COL28A1: variants seen among roughly 807,000 people sequenced by gnomAD.
The protein encoded by COL28A1 is collagen alpha-1(XXVIII) chain.
Under a neutral mutation model 150.2 loss-of-function variants are expected in COL28A1, and 161 were observed. The observed-to-expected ratio is 1.07, with a 90% confidence interval of 0.94 to 1.22. COL28A1 has a LOEUF of 1.22. Ranked by LOEUF, COL28A1 falls within the 50% of genes most tolerant of loss-of-function variation. The pLI is 0.00. For synonymous variants in COL28A1, 552 were observed against 469.7 expected (o/e 1.18, Z -2.26); for missense variants, 1,617 against 1,388.3 (o/e 1.16, Z -2.62).
At chr7:7,466,330 T>C (rs1306285786) in intron 15 of COL28A1, among the ~76,000 whole-genome samples, 5 of 146,056 alleles carry the variant, frequency 3.4e-5, no homozygotes, top group East Asian at 2.0e-4. Context: ...GGAGCCGATG[T>C]GATCAACTGG....
Position 7,531,688 on chromosome 7 carries a change from A to C in COL28A1, c.341T>G (p.Leu114Arg). The change falls in exon 3 of 35, where the codon CTG (leucine) becomes CGG (arginine). Residue 114 changes from leucine to arginine, a missense_variant. Leu to Arg is a moderately radical substitution (Grantham distance 102). Coordinates refer to ENST00000399429, the MANE Select transcript of COL28A1 (RefSeq NM_001037763.3). ...IDPPFSSWKDLQTFKQKVKSM... is the reference protein window; with the variant it reads ...IDPPFSSWKDRQTFKQKVKSM... ...CTTGACCTTCTGCTTAAATGTCTGC[A>C]GGTCCTTCCAGGAAGAAAAAGGTGG... 1.3e-6 allele frequency: 2 copies of C among 1,588,938 alleles called. No homozygotes were observed. Among genetic ancestry groups the C allele is most frequent in the Admixed American group, 1.7e-5 (1 of 59,982 alleles).
intron 21 of COL28A1, among the ~76,000 whole-genome samples, chr7:7,438,781 G>A (rs907664941): frequency 1.3e-5 from 2 of 152,194 alleles, no homozygotes; most frequent in African/African-American, 4.8e-5. Context: ...AATCAAAACA[G>A]TTTGGAAACT....
At chr7:7,506,145 G>A in intron 10 of COL28A1, 78 bp from the exon 11 acceptor site, 1 of 834,454 alleles carries the variant, frequency 1.2e-6, no homozygotes, top group Non-Finnish European at 2.1e-6. Flanking sequence ...AGGGTCCCTA[G>A]AGATCCTGGC....
At chr7:7,525,455 T>C (rs986130852) in intron 3 of COL28A1, among the ~76,000 whole-genome samples, 19 of 152,244 alleles carry the variant, frequency 1.2e-4, no homozygotes, top group African/African-American at 4.1e-4. Flanking sequence ...TATGTTTATA[T>C]ATAGAATTAG....
downstream of COL28A1, chr7:7,356,878 T>C (rs1780375844): frequency 6.6e-6 from 1 of 152,150 alleles, no homozygotes; most frequent in South Asian, 2.1e-4. Flanking sequence ...GCATTATCTT[T>C]TGTAGTATCA....
At chr7:7,494,829 C>T (rs534056229) in intron 11 of COL28A1, among the ~76,000 whole-genome samples, 1 of 152,036 alleles carries the variant, frequency 6.6e-6, no homozygotes, top group African/African-American at 2.4e-5. Flanking sequence ...TTTAATTCTA[C>T]CTTAAGGAAT....
chr7:7,490,389 C>G (rs1267551381), intron 12 of COL28A1, among the ~76,000 whole-genome samples, 189 bp downstream of exon 12: 1 of 152,112 alleles, frequency 6.6e-6, no homozygotes, highest in Non-Finnish European at 1.5e-5. Context: ...TTAAAAAATA[C>G]GTTAATTATT....
intron 31 of COL28A1, among the ~76,000 whole-genome samples, chr7:7,374,038 AATAT>A (rs60964603): frequency 5.3e-5 from 6 of 113,628 alleles, no homozygotes; most frequent in African/African-American, 1.5e-4. Flanking sequence ...AAAAAAAAAA[AATAT>A]ATATATATAT....
chr7:7,425,892 G>T (rs1409295519), intron 25 of COL28A1, among the ~76,000 whole-genome samples: 1 of 152,104 alleles, frequency 6.6e-6, no homozygotes, highest in African/African-American at 2.4e-5. Flanking sequence ...TATACCTTAT[G>T]AGTTTTCTAA....
intron 11 of COL28A1, among the ~76,000 whole-genome samples, chr7:7,497,137 G>GGAAAGAA: frequency 6.8e-6 from 1 of 146,706 alleles, no homozygotes; most frequent in Non-Finnish European, 1.5e-5. Flanking sequence ...AAGGAAAGAA[G>GGAAAGAA]GATCAATATT....
intron 18 of COL28A1, among the ~76,000 whole-genome samples, chr7:7,445,924 T>A (rs1359922256): frequency 6.6e-6 from 1 of 151,794 alleles, no homozygotes; most frequent in Admixed American, 6.6e-5. Context: ...AGTGGTATGA[T>A]CTCAGCTCAC....
chr7:7,471,606 T>C (rs961755097), intron 15 of COL28A1, among the ~76,000 whole-genome samples: 5 of 152,012 alleles, frequency 3.3e-5, no homozygotes, highest in African/African-American at 9.7e-5. Flanking sequence ...ATGAACAGAA[T>C]AAAACAGGCT....
intron 11 of COL28A1, among the ~76,000 whole-genome samples, chr7:7,498,062 A>G (rs1583508448): frequency 6.6e-6 from 1 of 152,230 alleles, no homozygotes; most frequent in African/African-American, 2.4e-5. Context: ...AATTATATTG[A>G]ACCACATTTT....
In COL28A1 at chr7:7,382,884, G is replaced by A. The variant is rs1781946695; in HGVS notation, c.2137-1272C>T. On this transcript the variant is annotated intron_variant, in intron 27 of 34. Transcript: ENST00000399429. The stretch of plus-strand genomic sequence containing the variant: ...GCCACTACTCCAGGAGGCATGATGG[G>A]ATTTACGAGGCACTCCTGGAAGGGG... Among the ~76,000 whole-genome samples the A allele has an allele frequency of 2.0e-5, 3 of 152,114 alleles. No individual in the cohort carries two copies. The South Asian group carries it at 6.2e-4, about 32-fold the overall frequency.
intron 25 of COL28A1, among the ~76,000 whole-genome samples, chr7:7,430,751 AT>A (rs918212125): frequency 2.0e-4 from 31 of 151,786 alleles, no homozygotes; most frequent in African/African-American, 7.3e-4. Flanking sequence ...GAATTTCTCT[AT>A]TTTTTTTAAT....
intron 27 of COL28A1, among the ~76,000 whole-genome samples, chr7:7,388,827 C>A (rs999218371): frequency 6.6e-6 from 1 of 152,094 alleles, no homozygotes; most frequent in Non-Finnish European, 1.5e-5. Flanking sequence ...TGTTCATATC[C>A]TTCACCCACT....
Position 7,502,983 on chromosome 7 carries a change from T to A in COL28A1, c.1026+3031A>T, listed in dbSNP as rs1001372228. On this transcript the variant is annotated intron_variant, in intron 11 of 34. Transcript: ENST00000399429. ...AAGTGCTGGGATTACAGGCGTGATA[T>A]TCCCTTCCTTTTTCCTGCACTTTCA... Among the ~76,000 whole-genome samples the A allele has an allele frequency of 7.9e-5, 12 of 151,986 alleles. 3 individuals are homozygous for A. The highest frequency in any genetic ancestry group is 1.8e-4 in the Non-Finnish European group (12 of 67,998).
intron 15 of COL28A1, among the ~76,000 whole-genome samples, chr7:7,465,443 C>T (rs576360202): frequency 7.2e-6 from 1 of 139,686 alleles, no homozygotes; most frequent in African/African-American, 2.7e-5. Context: ...CCACCTGGCT[C>T]AGAGGGTCCT....
chr7:7,517,872 C>A, intron 6 of COL28A1, 35 bp from the exon 7 acceptor site: 1 of 1,613,104 alleles, frequency 6.2e-7, no homozygotes, highest in African/African-American at 1.3e-5. Flanking sequence ...AATTCCACAG[C>A]CCTGAAGAGT....
Sources: gnomAD v4.1 joint callset for allele counts (sites outside exome capture counted in the v4.1 genomes callset) on GRCh38, gnomAD v4.1.1 for gene constraint, MANE v1.5 for transcripts, NCBI Gene and HGNC (gene_info 2026-07-23, HGNC 2026-07-21) for gene names.